The following FRMPD4 variants were observed in gnomAD, a reference collection of about 807,000 sequenced individuals.
FRMPD4 encodes FERM and PDZ domain containing 4, also known as FERM and PDZ domain-containing protein 4.
FRMPD4 carries 22 observed loss-of-function variants against 94.1 expected under a neutral mutation model. The ratio of observed to expected loss-of-function variants is 0.23; its 90% CI spans 0.17 to 0.33. The LOEUF (loss-of-function observed/expected upper bound fraction) is 0.33, where lower values mean the gene tolerates loss of function less well. Among genes scored for constraint, FRMPD4 ranks in the 10% least tolerant of loss-of-function variants. The pLI is 1.00. For missense variants in FRMPD4, 1,111 were observed against 1,339.9 expected, an observed-to-expected ratio of 0.83 and a Z score of 2.67; for synonymous variants, 631 against 548.6, an observed-to-expected ratio of 1.15 and a Z score of -2.10.
intron 1 of FRMPD4, among the ~76,000 whole-genome samples, chrX:12,185,327 G>A (rs2056410928): frequency 9.0e-6 from 1 of 111,714 alleles, no homozygotes. Flanking sequence ...TTGACCACGG[G>A]TGAACAAATG....
intron 1 of FRMPD4, among the ~76,000 whole-genome samples, chrX:12,331,233 T>G (rs2055368007): frequency 9.2e-6 from 1 of 109,258 alleles, no homozygotes; most frequent in Non-Finnish European, 1.9e-5. Context: ...CGTTTTTTTT[T>G]TTTTTTTAAC....
intron 1 of FRMPD4, among the ~76,000 whole-genome samples, chrX:12,150,539 T>C (rs1021524335): frequency 1.8e-5 from 2 of 112,245 alleles, no homozygotes; most frequent in Non-Finnish European, 3.8e-5. Context: ...GTAGATAATA[T>C]TGTAAAATAG....
chrX:11,884,735 C>T (rs1042494308), intron 3 of FRMPD4, among the ~76,000 whole-genome samples: 4 of 111,390 alleles, frequency 3.6e-5, no homozygotes, highest in African/African-American at 1.3e-4. Context: ...TTAAAAAGAG[C>T]TTTATTACCT....
chrX:11,978,583 T>G (rs189047142), intron 3 of FRMPD4, among the ~76,000 whole-genome samples: 1 of 111,351 alleles, frequency 9.0e-6, no homozygotes, highest in Admixed American at 9.6e-5. Flanking sequence ...CTTCTGGTAA[T>G]TACTGTAGGA....
At chrX:12,050,100 T>A (rs1392479469) in intron 3 of FRMPD4, among the ~76,000 whole-genome samples, 3 of 111,302 alleles carry the variant, frequency 2.7e-5, no homozygotes, top group Non-Finnish European at 5.7e-5. Flanking sequence ...AAGTATTTTT[T>A]AAATAAATTC....
chrX:12,362,356 CT>C (rs1364746862), intron 1 of FRMPD4, among the ~76,000 whole-genome samples: 1 of 110,638 alleles, frequency 9.0e-6, no homozygotes, highest in Non-Finnish European at 1.9e-5. Context: ...TCCCTCCCCC[CT>C]CCTCCCACTC....
chrX:12,110,779 GACAA>G (rs1315974408), intron 3 of FRMPD4, among the ~76,000 whole-genome samples: 2 of 111,290 alleles, frequency 1.8e-5, no homozygotes, highest in African/African-American at 3.3e-5. Flanking sequence ...ACCAATAACA[GACAA>G]ACAGAGAGCC....
chrX:12,537,812 A>G (rs1377783738), intron 2 of FRMPD4, among the ~76,000 whole-genome samples: 1 of 110,810 alleles, frequency 9.0e-6, no homozygotes, highest in Admixed American at 9.7e-5. Context: ...TTAATTAACA[A>G]AACTTTTCCA....
intron 1 of FRMPD4, among the ~76,000 whole-genome samples, chrX:12,494,089 G>GT (rs912934824): frequency 8.9e-6 from 1 of 112,076 alleles, no homozygotes; most frequent in Non-Finnish European, 1.9e-5. Flanking sequence ...AGAATGCTTG[G>GT]TTTTATGTTT....
chrX:12,458,639 A>G (rs1264415583), intron 1 of FRMPD4, among the ~76,000 whole-genome samples: 5 of 111,733 alleles, frequency 4.5e-5, no homozygotes. Context: ...CAAGAGGGTG[A>G]AAACAGAAGT....
At chrX:12,451,852 TA>T (rs1387669715) in intron 1 of FRMPD4, among the ~76,000 whole-genome samples, 2 of 109,843 alleles carry the variant, frequency 1.8e-5, no homozygotes, top group Non-Finnish European at 3.8e-5. Context: ...CCAGCCTCAA[TA>T]GCTACTTTAT....
intron 1 of FRMPD4, among the ~76,000 whole-genome samples, chrX:12,219,464 A>G (rs1332504873): frequency 3.6e-5 from 4 of 112,391 alleles, no homozygotes; most frequent in African/African-American, 1.3e-4. Context: ...ATTTAATGCA[A>G]TAAGAGTAGG....
chrX:12,303,019 T>C (rs1424360164), intron 1 of FRMPD4, among the ~76,000 whole-genome samples: 1 of 111,346 alleles, frequency 9.0e-6, no homozygotes, highest in East Asian at 2.8e-4. Flanking sequence ...GGTCTTCAAA[T>C]AGCCCCAATA....
intron 4 of FRMPD4, among the ~76,000 whole-genome samples, chrX:12,658,748 G>A (rs1422714519): frequency 4.5e-5 from 5 of 110,351 alleles, no homozygotes; most frequent in Admixed American, 1.9e-4. Context: ...TACAAGAAGC[G>A]CTCTTAAGAA....
rs534663458 is a variant in FRMPD4, at chrX:11,983,884, A to G, written c.95+105866A>G. Among the ~76,000 whole-genome samples the G allele has an allele frequency of 1.1e-3, 127 of 112,608 alleles. 1 individual carries two copies. The highest frequency in any genetic ancestry group is 4.0e-3 in the African/African-American group (123 of 31,103). On this transcript the variant is annotated intron_variant, in intron 3 of 18. Transcript: ENST00000640291. ...CACCTATACTAAAAAAAAGTTCAAG[A>G]CACTTTTGTAATTGATGATACCAGC... is the stretch of plus-strand genomic sequence containing the variant.
chrX:12,023,544 A>G (rs773143882), intron 3 of FRMPD4, among the ~76,000 whole-genome samples: 1 of 111,669 alleles, frequency 9.0e-6, no homozygotes, highest in Non-Finnish European at 1.9e-5. Flanking sequence ...ATTTCCTACC[A>G]CTAGAATATA....
chrX:12,411,333 A>G (rs180853690), intron 1 of FRMPD4, among the ~76,000 whole-genome samples: 2 of 112,517 alleles, frequency 1.8e-5, no homozygotes, highest in African/African-American at 3.2e-5. Flanking sequence ...TCACTTCTTC[A>G]GCAATGAATA....
intron 5 of FRMPD4, among the ~76,000 whole-genome samples, chrX:12,679,079 A>G (rs1014938814): frequency 2.7e-5 from 3 of 112,496 alleles, no homozygotes; most frequent in Non-Finnish European, 3.8e-5. Context: ...ACATTCTATC[A>G]GAGCCCAGAC....
In FRMPD4 at chrX:12,093,561, A is replaced by G. The variant is rs139838118; in HGVS notation, c.95+215543A>G. 3.2e-3 allele frequency among the ~76,000 whole-genome samples: 343 copies of G among 107,222 alleles called. 4 individuals carry two copies. The highest frequency in any genetic ancestry group is 0.011 in the African/African-American group (331 of 29,279). 93.1% of individuals were successfully genotyped at this position (107,222 alleles called of 115,157 possible). The stretch of plus-strand genomic sequence containing the variant: ...TGATGTTAAGGATGCTAGGAGTCCA[A>G]AGTCTGCCTAGCTTTCTAGTAGTTG... On this transcript the variant is annotated intron_variant, in intron 3 of 18. Transcript: ENST00000640291.
Sources: allele counts gnomAD v4.1 joint callset (sites outside exome capture counted in the v4.1 genomes callset), GRCh38; gene constraint gnomAD v4.1.1; transcripts MANE v1.5; gene names NCBI Gene and HGNC (gene_info 2026-07-23, HGNC 2026-07-21).